Variants in RBM23 observed in about 807,000 individuals in gnomAD.
RBM23 encodes RNA binding motif protein 23.
RBM23 carries 53 observed loss-of-function variants against 56.2 expected under a neutral mutation model. That is an observed-to-expected ratio of 0.94 (90% CI 0.76 to 1.19). The LOEUF (loss-of-function observed/expected upper bound fraction) is 1.19, where lower values mean the gene tolerates loss of function less well. Among genes scored for constraint, RBM23 ranks in the 50% most tolerant of loss-of-function variants. RBM23 has a pLI of 0.00. For synonymous variants in RBM23, 197 were observed against 198.5 expected, an observed-to-expected ratio of 0.99 and a Z score of 0.06; for missense variants, 642 against 590.3, an observed-to-expected ratio of 1.09 and a Z score of -0.91.
At chr14:22,915,932 G>C (rs889680732) in intron 1 of RBM23, among the ~76,000 whole-genome samples, 1 of 152,216 alleles carries the variant, frequency 6.6e-6, no homozygotes, top group African/African-American at 2.4e-5. Flanking sequence ...CATAGCTCAA[G>C]GGCCAGGCAG....
Position 22,897,166 on chromosome 14 carries a change from A to T in RBM23, c.*4564T>A, listed in dbSNP as rs2040261219. On this transcript the variant is annotated 3_prime_UTR_variant, in exon 14 of 14. Transcript: ENST00000359890. Reference sequence around the variant, plus strand: ...TGCTGACTTTAACACTTTAATGAACAGCATTCATTCAATTCTACAGACATT... The same window carrying T: ...TGCTGACTTTAACACTTTAATGAACTGCATTCATTCAATTCTACAGACATT... The T allele has an allele frequency of 6.6e-6, 1 of 152,256 alleles. No individual in the cohort carries two copies. The highest frequency in any genetic ancestry group is 1.5e-5 in the Non-Finnish European group (1 of 68,044). 9.4% of individuals were successfully genotyped at this position (152,256 alleles called of 1,614,324 possible).
intron 3 of RBM23, 123 bp from the exon 4 acceptor site, chr14:22,908,503 A>G: frequency 3.8e-6 from 4 of 1,049,622 alleles, no homozygotes; most frequent in Non-Finnish European, 5.4e-6. Context: ...AGCGATCCTC[A>G]TGCCTTAGCC....
At position 22,901,465 on chromosome 14, in the gene RBM23, G is replaced by A. The variant is rs544373986; in HGVS notation, c.*265C>T. On this transcript the variant is annotated 3_prime_UTR_variant, in exon 14 of 14. Transcript: ENST00000359890. Reference sequence around the variant, plus strand: ...AGGGCAAGAAGGTAATCTCAGAGACGATACACATGGAGAAACAGGTATTCA... The same window carrying A: ...AGGGCAAGAAGGTAATCTCAGAGACAATACACATGGAGAAACAGGTATTCA... The A allele has an allele frequency of 9.6e-5, 56 of 583,636 alleles. No homozygotes were observed. Among genetic ancestry groups the A allele is most frequent in the Admixed American group, 5.2e-4 (17 of 32,734 alleles). The allele number at this position is 583,636 out of a possible 1,614,324, so 36.2% of individuals were successfully genotyped here.
rs1246092782 is a variant in RBM23 at position 22,902,484 on chromosome 14, C to T, written c.931-102G>A. 5 of 1,458,160 alleles carry T rather than the reference C, an allele frequency of 3.4e-6. No individual in the cohort carries two copies. The East Asian group carries it at 9.8e-5, about 29-fold the overall frequency. 90.3% of individuals were successfully genotyped at this position (1,458,160 alleles called of 1,614,324 possible). The stretch of plus-strand genomic sequence containing the variant: ...CCTACTATCCCAGGAAAATTGTATG[C>T]TCACTGAGGTACAAACTTTTCTTTC... On this transcript the variant is annotated intron_variant, in intron 10 of 13. Coordinates refer to ENST00000359890, the MANE Select transcript of RBM23 (RefSeq NM_001077351.2).
Position 22,901,883 on chromosome 14 carries a change from G to C in RBM23, c.1247C>G (p.Ala416Gly), listed in dbSNP as rs1404093651. The C allele has an allele frequency of 1.9e-6, 3 of 1,614,080 alleles. No homozygotes were observed. Among genetic ancestry groups the C allele is most frequent in the Non-Finnish European group, 2.5e-6 (3 of 1,180,024 alleles). The change falls in exon 13 of 14, where the codon GCT (alanine) becomes GGT (glycine). Residue 416 changes from alanine (A) to glycine (G), a missense_variant and splice_region_variant. Transcript: ENST00000359890. The part of the protein sequence containing the change: ...LGALNPAALT[A>G]LSPALNLASQ... ...GGCAAGGTTCAGGGCTGGACTCAGA[G>C]CTAGAACAAAGACAGGCAGAGTGAG...
Position 22,908,329 on chromosome 14 carries a change from T to C in RBM23, c.227+4A>G. 6.5e-7 allele frequency: 1 copy of C among 1,549,934 alleles called. No individual in the cohort carries two copies. ...GCCACTGTGCCTGGCCCAGAATTAC[T>C]GACCTGCGCTTTCTATCCCTGCTTT... On this transcript the variant is annotated splice_donor_region_variant and intron_variant, in intron 4 of 13. Transcript: ENST00000359890.
In RBM23 at chr14:22,905,586, AG is replaced by A. The variant is rs770902800; in HGVS notation, c.455+19del. On this transcript the variant is annotated intron_variant, in intron 6 of 13. Transcript: ENST00000359890. ...ATTCATACCTCACAATCCCTAAAAC[AG>A]TGTTCATTATCAACCCACCTGACTG... The A allele has an allele frequency of 1.2e-6, 2 of 1,608,264 alleles. No individual in the cohort carries two copies. Among genetic ancestry groups the A allele is most frequent in the South Asian group, 2.2e-5 (2 of 90,980 alleles).
chr14:22,901,036 C>G lies in RBM23; in HGVS notation c.*694G>C, dbSNP rs1375970232. The G allele has an allele frequency of 6.6e-6, 1 of 152,208 alleles. No individual in the cohort carries two copies. Among genetic ancestry groups the G allele is most frequent in the Non-Finnish European group, 1.5e-5 (1 of 68,072 alleles). The allele number at this position is 152,208 out of a possible 1,614,324, so 9.4% of individuals were successfully genotyped here. On this transcript the variant is annotated 3_prime_UTR_variant, in exon 14 of 14. Coordinates refer to ENST00000359890, the MANE Select transcript of RBM23 (RefSeq NM_001077351.2). Reference sequence around the variant, plus strand: ...AAGATACTGGAAAGGCATACTCCACCTTTTACTAAATTCCTGAAAGCCCCT... The same window carrying G: ...AAGATACTGGAAAGGCATACTCCACGTTTTACTAAATTCCTGAAAGCCCCT...
In RBM23 at chr14:22,898,490, C is replaced by T. The variant is rs1274264214; in HGVS notation, c.*3240G>A. On this transcript the variant is annotated 3_prime_UTR_variant, in exon 14 of 14. Transcript: ENST00000359890. ...CCCAGAGTCTGTTCACAGCCCGCTT[C>T]TCTCCACTCTAACCACCTCGTATGG... The T allele has an allele frequency of 1.3e-5, 2 of 152,234 alleles. No homozygotes were observed. The highest frequency in any genetic ancestry group is 1.9e-4 in the East Asian group (1 of 5,164). 9.4% of individuals were successfully genotyped at this position (152,234 alleles called of 1,614,324 possible).
intron 10 of RBM23, chr14:22,903,142 C>T: frequency 1.0e-6 from 1 of 985,440 alleles, no homozygotes; most frequent in Non-Finnish European, 1.2e-6. Flanking sequence ...AGGGAACACA[C>T]CCTAGTGCTG....
intron 10 of RBM23, chr14:22,902,646 G>A: frequency 8.6e-7 from 1 of 1,169,542 alleles, no homozygotes; most frequent in African/African-American, 1.6e-5. Flanking sequence ...ATTATTGTAG[G>A]AAACCTAGCC....
chr14:22,906,431 T>C (rs1037886628), intron 4 of RBM23, 63 bp from the exon 5 acceptor site: 3 of 1,568,982 alleles, frequency 1.9e-6, no homozygotes, highest in African/African-American at 1.3e-5. Flanking sequence ...CAAGTGCATA[T>C]ACAACAGTGG....
chr14:22,915,346 A>G (rs1173465581), intron 1 of RBM23, among the ~76,000 whole-genome samples: 1 of 144,690 alleles, frequency 6.9e-6, no homozygotes, highest in Non-Finnish European at 1.5e-5. Context: ...GATTACAGGC[A>G]TGCGCCACCA....
intron 1 of RBM23, among the ~76,000 whole-genome samples, chr14:22,912,309 C>T (rs8011055): frequency 0.073 from 11,174 of 152,254 alleles, 789 homozygotes; most frequent in African/African-American, 0.19. Context: ...TCCGCATACC[C>T]TGAACACCAA....
chr14:22,905,346 G>A lies in RBM23; in HGVS notation c.563C>T (p.Ala188Val). ...RPRDLEDFFS[A>V]VGKVRDVRII... ...AGGTGGGAGGGTTACCTTGCCTACA[G>A]CAGAGAAAAAGTCCTCCAGATCTCG... is the stretch of plus-strand genomic sequence containing the variant. The change falls in exon 7 of 14, where the codon GCT becomes GTT. Residue 188 changes from alanine to valine, a missense_variant. Coordinates refer to ENST00000359890, the MANE Select transcript of RBM23 (RefSeq NM_001077351.2). 1 of 1,614,104 alleles carries A rather than the reference G, an allele frequency of 6.2e-7. No individual in the cohort carries two copies. The highest frequency in any genetic ancestry group is 8.5e-7 in the Non-Finnish European group (1 of 1,180,020).
At chr14:22,911,834 C>T (rs2042583320) in intron 1 of RBM23, 1 of 153,616 alleles carries the variant, frequency 6.5e-6, no homozygotes, top group South Asian at 2.0e-4. Flanking sequence ...TCACTTGAAC[C>T]CAAAAGGTGG....
rs560645381 is a variant in RBM23 at position 22,910,978 on chromosome 14, TC to T, written c.66+349del. ...GTGAGCCAAGATTGTGCCACTGCAC[TC>T]CAGCCTGGCAACAGAGCGAGACTCT... On this transcript the variant is annotated intron_variant, in intron 2 of 13. Coordinates refer to ENST00000359890, the MANE Select transcript of RBM23 (RefSeq NM_001077351.2). Among the ~76,000 whole-genome samples the T allele has an allele frequency of 2.1e-3, 319 of 152,174 alleles. 2 individuals are homozygous for T. The highest frequency in any genetic ancestry group is 7.5e-3 in the African/African-American group (312 of 41,526).
In RBM23 at chr14:22,900,849, C is replaced by T. The variant is rs2040400947; in HGVS notation, c.*881G>A. The T allele has an allele frequency of 6.6e-6, 1 of 151,968 alleles. No individual in the cohort carries two copies. The highest frequency in any genetic ancestry group is 1.5e-5 in the Non-Finnish European group (1 of 68,020). 9.4% of individuals were successfully genotyped at this position (151,968 alleles called of 1,614,324 possible). ...AGGGTATAAAATCCAGTGAGAAGGG[C>T]TCACACATGCCCAGGTAAGGGATGG... On this transcript the variant is annotated 3_prime_UTR_variant, in exon 14 of 14. Coordinates refer to ENST00000359890, the MANE Select transcript of RBM23 (RefSeq NM_001077351.2).
chr14:22,912,843 T>C (rs2042770941), intron 1 of RBM23, among the ~76,000 whole-genome samples: 1 of 150,766 alleles, frequency 6.6e-6, no homozygotes, highest in African/African-American at 2.4e-5. Context: ...CTACTAAAAA[T>C]ACAAAAATTA....
Sources: gnomAD v4.1 joint callset for allele counts (sites outside exome capture counted in the v4.1 genomes callset) on GRCh38, gnomAD v4.1.1 for gene constraint, MANE v1.5 for transcripts, NCBI Gene and HGNC (gene_info 2026-07-23, HGNC 2026-07-21) for gene names.